Variants in DNAH14 observed in about 807,000 individuals in gnomAD.
DNAH14 encodes dynein axonemal heavy chain 14.
A neutral mutation model predicts 520.9 loss-of-function variants in DNAH14; 478 were observed. The observed-to-expected ratio is 0.92, with a 90% CI of 0.85 to 0.99. The LOEUF is 0.99. Ranked by LOEUF, DNAH14 falls within the 50% of genes least tolerant of loss-of-function variation. DNAH14 has a pLI of 0.00. For missense variants in DNAH14, 4,831 were observed against 5,234.5 expected, an observed-to-expected ratio of 0.92 and a Z score of 2.38; for synonymous variants, 1,581 against 1,757.2, an observed-to-expected ratio of 0.90 and a Z score of 2.51.
chr1:225,339,229 T>C (rs952906040), intron 68 of DNAH14, among the ~76,000 whole-genome samples: 2 of 151,448 alleles, frequency 1.3e-5, no homozygotes, highest in African/African-American at 4.9e-5. Context: ...GAGAATCGCT[T>C]GAACCTGGGA....
In DNAH14 at chr1:225,232,902, C is replaced by T. The variant is rs913217682; in HGVS notation, c.6518+1751C>T. The stretch of plus-strand genomic sequence containing the variant: ...GTTTGCTGCACAGATCATGCCATCA[C>T]CTAGGTATTAAGCCCAGCATTCATT... On this transcript the variant is annotated intron_variant, in intron 42 of 85. Transcript: ENST00000682510. The surrounding 1 kb of genome is among the most constrained non-coding windows in gnomAD (Gnocchi z 4.2). Among the ~76,000 whole-genome samples, 1 of 152,078 alleles carries T rather than the reference C, an allele frequency of 6.6e-6. No homozygotes were observed.
intron 34 of DNAH14, among the ~76,000 whole-genome samples, chr1:225,157,874 T>C (rs1386823646): frequency 6.6e-6 from 1 of 152,174 alleles, no homozygotes; most frequent in Non-Finnish European, 1.5e-5. Flanking sequence ...ATGACTAAAG[T>C]CAATTCCAAC....
At chr1:224,942,490 C>G (rs986975059) in intron 1 of DNAH14, among the ~76,000 whole-genome samples, 1 of 152,082 alleles carries the variant, frequency 6.6e-6, no homozygotes, top group Non-Finnish European at 1.5e-5. Context: ...ATTGAATACC[C>G]TTTATTTCCT....
At chr1:225,105,042 G>T (rs775176976) in intron 23 of DNAH14, among the ~76,000 whole-genome samples, 179 of 152,036 alleles carry the variant, frequency 1.2e-3, no homozygotes, top group African/African-American at 3.9e-3. Context: ...AATTTCCCTC[G>T]ACACACTGCT....
At chr1:225,124,770 A>G (rs2077564502) in intron 27 of DNAH14, among the ~76,000 whole-genome samples, 1 of 151,694 alleles carries the variant, frequency 6.6e-6, no homozygotes, top group East Asian at 1.9e-4. Context: ...TCTTAATGGC[A>G]TCTAGGATGG....
At chr1:224,952,043 T>C (rs1473235737) in intron 1 of DNAH14, among the ~76,000 whole-genome samples, 1 of 152,242 alleles carries the variant, frequency 6.6e-6, no homozygotes, top group Non-Finnish European at 1.5e-5. Flanking sequence ...ACTTTTTCTA[T>C]TCTCCATTGA....
At chr1:224,965,052 A>G (rs1452577066) in intron 5 of DNAH14, among the ~76,000 whole-genome samples, 1 of 151,908 alleles carries the variant, frequency 6.6e-6, no homozygotes, top group Non-Finnish European at 1.5e-5. Flanking sequence ...TCCTTATGCT[A>G]TTCATTTTTT....
chr1:225,128,653 G>A (rs1467241761), intron 27 of DNAH14, among the ~76,000 whole-genome samples: 1 of 151,730 alleles, frequency 6.6e-6, no homozygotes, highest in East Asian at 1.9e-4. Flanking sequence ...ATTAGGTATT[G>A]ATGGGACGTA....
intron 61 of DNAH14, among the ~76,000 whole-genome samples, chr1:225,319,843 G>A (rs1166359975): frequency 6.6e-6 from 1 of 152,116 alleles, no homozygotes; most frequent in Non-Finnish European, 1.5e-5. Flanking sequence ...GTGGAAGAGT[G>A]TTCCAAGCAG....
At chr1:225,246,628 A>T (rs111450866) in intron 43 of DNAH14, among the ~76,000 whole-genome samples, 7,467 of 152,336 alleles carry the variant, frequency 0.049, 287 homozygotes, top group Non-Finnish European at 0.073. Context: ...ATATGAAAAA[A>T]AGTTCTTCAT....
At chr1:225,362,761 G>A (rs1283593513) in intron 75 of DNAH14, among the ~76,000 whole-genome samples, 1 of 151,956 alleles carries the variant, frequency 6.6e-6, no homozygotes, top group Non-Finnish European at 1.5e-5. Context: ...TATTTAAGAT[G>A]ACCACTCTAC....
intron 23 of DNAH14, among the ~76,000 whole-genome samples, chr1:225,112,675 C>CT (rs1293588025): frequency 6.6e-6 from 1 of 151,578 alleles, no homozygotes; most frequent in Non-Finnish European, 1.5e-5. Flanking sequence ...CTTTTTTATT[C>CT]TTTTTTTCTG....
At chr1:225,217,178 C>G (rs2089469513) in intron 41 of DNAH14, among the ~76,000 whole-genome samples, 1 of 152,196 alleles carries the variant, frequency 6.6e-6, no homozygotes, top group Admixed American at 6.5e-5. Context: ...ACTCCAGACA[C>G]TGTTTGCCTG....
chr1:225,103,392 T>A (rs1381341140), intron 23 of DNAH14, among the ~76,000 whole-genome samples: 8 of 152,220 alleles, frequency 5.3e-5, no homozygotes, highest in Non-Finnish European at 1.0e-4. Context: ...TGGTTCCATA[T>A]GAACTTTAAA....
intron 28 of DNAH14, 48 bp downstream of exon 28, chr1:225,141,069 T>C (rs577447541): frequency 3.5e-6 from 5 of 1,438,796 alleles, no homozygotes; most frequent in Middle Eastern, 2.2e-4. Flanking sequence ...CTCCCAAATA[T>C]ATCTTTAGGT....
At chr1:225,198,650 T>C (rs929672432) in intron 38 of DNAH14, among the ~76,000 whole-genome samples, 5 of 152,228 alleles carry the variant, frequency 3.3e-5, no homozygotes, top group African/African-American at 1.2e-4. Flanking sequence ...ATCACACTTA[T>C]TGACTTGCAT....
intron 26 of DNAH14, among the ~76,000 whole-genome samples, chr1:225,119,615 G>T (rs1042991479): frequency 6.6e-6 from 1 of 152,198 alleles, no homozygotes; most frequent in Non-Finnish European, 1.5e-5. Flanking sequence ...TGCTCAGTAG[G>T]GCTCCCGTTT....
chr1:225,175,629 A>T (rs139219262), intron 36 of DNAH14, among the ~76,000 whole-genome samples: 2 of 143,596 alleles, frequency 1.4e-5, no homozygotes, highest in Non-Finnish European at 3.1e-5. Context: ...CTATTCTCTC[A>T]TCTTTATTTT....
intron 21 of DNAH14, among the ~76,000 whole-genome samples, chr1:225,092,019 T>C (rs3105567): frequency 0.2 from 30,799 of 151,910 alleles, 6,487 homozygotes; most frequent in African/African-American, 0.53. Context: ...AACAAGAAGA[T>C]CTAACTATTG....
Sources: allele counts gnomAD v4.1 joint callset (sites outside exome capture counted in the v4.1 genomes callset), GRCh38; gene constraint gnomAD v4.1.1; non-coding constraint Gnocchi (gnomAD v3.1); transcripts MANE v1.5; gene names NCBI Gene and HGNC (gene_info 2026-07-23, HGNC 2026-07-21).